The following HIVEP3 variants were observed in gnomAD, a reference collection of about 807,000 sequenced individuals.
HIVEP3 encodes the protein transcription factor HIVEP3.
A neutral mutation model predicts 152.8 loss-of-function variants in HIVEP3; 49 were observed. The ratio of observed to expected loss-of-function variants is 0.32; its 90% confidence interval spans 0.26 to 0.41. The LOEUF (loss-of-function observed/expected upper bound fraction) is 0.41, where lower values mean the gene tolerates loss of function less well. Ranked by LOEUF, HIVEP3 falls within the 10% of genes least tolerant of loss-of-function variation. The pLI is 1.00. For synonymous variants in HIVEP3, 1,269 were observed against 1,289.0 expected, an observed-to-expected ratio of 0.98 and a Z score of 0.33; for missense variants, 2,790 against 3,103.3, an observed-to-expected ratio of 0.90 and a Z score of 2.40.
chr1:41,921,096 G>A (rs928683971), upstream of HIVEP3, among the ~76,000 whole-genome samples: 3 of 152,120 alleles, frequency 2.0e-5, no homozygotes, highest in African/African-American at 2.4e-5. Flanking sequence ...ATTTCCATAC[G>A]GGGGCTTTTG....
At chr1:41,778,924 T>C (rs1016216732) in intron 1 of HIVEP3, among the ~76,000 whole-genome samples, 5 of 152,162 alleles carry the variant, frequency 3.3e-5, no homozygotes, top group African/African-American at 1.2e-4. Flanking sequence ...GCCAGGCATG[T>C]ATCTGAGGGA....
At chr1:41,921,029 T>C (rs1557523540), upstream of HIVEP3, among the ~76,000 whole-genome samples, 1 of 152,200 alleles carries the variant, frequency 6.6e-6, no homozygotes, top group Non-Finnish European at 1.5e-5. Context: ...CAGAGTTACA[T>C]GAGTCTGGAA....
At chr1:41,970,116 G>A (rs1387448655) in intron 1 of HIVEP3, among the ~76,000 whole-genome samples, 1 of 152,168 alleles carries the variant, frequency 6.6e-6, no homozygotes, top group Non-Finnish European at 1.5e-5. Flanking sequence ...CAACCATTGT[G>A]GAAGACAGTG....
Position 42,002,897 on chromosome 1 carries a change from C to A in HIVEP3, n.119+32910G>T, listed in dbSNP as rs780243318. ...AAAGGGTTCTGGCATTTTACCCGCA[C>A]ATGGTAGCTGGACAGTAAGGACAAG... On this transcript the variant is annotated intron_variant and non_coding_transcript_variant, in intron 1 of 3. Transcript: ENST00000489103. 3.3e-4 allele frequency among the ~76,000 whole-genome samples: 50 copies of A among 152,088 alleles called. 1 individual carries two copies. Among genetic ancestry groups the A allele is most frequent in the Non-Finnish European group, 7.4e-5 (5 of 68,008 alleles).
chr1:41,757,918 G>A (rs978967618), intron 1 of HIVEP3, among the ~76,000 whole-genome samples: 5 of 151,940 alleles, frequency 3.3e-5, no homozygotes, highest in African/African-American at 1.2e-4. Flanking sequence ...CTCCACATTT[G>A]TCAGGCTGGT....
chr1:41,707,500 A>G (rs534097850), intron 1 of HIVEP3, among the ~76,000 whole-genome samples: 1 of 152,364 alleles, frequency 6.6e-6, no homozygotes, highest in Non-Finnish European at 1.5e-5. Context: ...CTGAGGCCCA[A>G]GTCCCCGTAC....
intron 1 of HIVEP3, among the ~76,000 whole-genome samples, chr1:41,824,778 TATATATAG>T (rs1238039621): frequency 7.1e-4 from 9 of 12,764 alleles, no homozygotes; most frequent in African/African-American, 2.0e-3. Context: ...TATATATATA[TATATATAG>T]AGAGAGAGAG....
chr1:41,940,078 A>G (rs1645038527), intron 1 of HIVEP3, among the ~76,000 whole-genome samples: 1 of 152,196 alleles, frequency 6.6e-6, no homozygotes, highest in African/African-American at 2.4e-5. Flanking sequence ...CCTAAAAGAT[A>G]CCTCACATTA....
At chr1:42,002,743 A>C (rs898699729) in intron 1 of HIVEP3, among the ~76,000 whole-genome samples, 1 of 152,214 alleles carries the variant, frequency 6.6e-6, no homozygotes, top group African/African-American at 2.4e-5. Flanking sequence ...ACAAGTCAGT[A>C]GCCCAAAAGG....
chr1:41,861,722 T>TCCGGGCTCCCCAGATGGCCACTGCCAC (rs1643889781), intron 1 of HIVEP3, among the ~76,000 whole-genome samples: 1 of 151,356 alleles, frequency 6.6e-6, no homozygotes, highest in African/African-American at 2.4e-5. Flanking sequence ...TTCAGAGAGG[T>TCCGGGCTCCCCAGATGGCCACTGCCAC]CTGAATCCCA....
At chr1:41,576,414 C>T (rs1020831778) in intron 4 of HIVEP3, among the ~76,000 whole-genome samples, 3 of 152,228 alleles carry the variant, frequency 2.0e-5, no homozygotes, top group Non-Finnish European at 2.9e-5. Context: ...CTGGCATTGG[C>T]TTTGTGCTTC....
At chr1:41,881,127 T>C (rs968215309) in intron 1 of HIVEP3, among the ~76,000 whole-genome samples, 2 of 152,160 alleles carry the variant, frequency 1.3e-5, no homozygotes, top group African/African-American at 2.4e-5. Context: ...GTTATGGTGG[T>C]GATGACAACA....
chr1:41,653,960 A>C (rs1392580551), intron 2 of HIVEP3, among the ~76,000 whole-genome samples: 2 of 149,238 alleles, frequency 1.3e-5, no homozygotes, highest in East Asian at 2.0e-4. Flanking sequence ...CTGCAAAAAA[A>C]AAAAAAAAAA....
chr1:41,638,337 AG>A (rs60915492), intron 2 of HIVEP3, among the ~76,000 whole-genome samples: 3 of 51,494 alleles, frequency 5.8e-5, no homozygotes, highest in African/African-American at 1.5e-4. Context: ...AAAGAAAGGG[AG>A]AGAGAGAGAA....
intron 1 of HIVEP3, among the ~76,000 whole-genome samples, chr1:41,934,890 C>T (rs1240610430): frequency 6.6e-6 from 1 of 152,130 alleles, no homozygotes; most frequent in Non-Finnish European, 1.5e-5. Context: ...ACATAGTAAA[C>T]ACCATGGATG....
chr1:41,843,777 T>G (rs112278911), intron 1 of HIVEP3, among the ~76,000 whole-genome samples: 2 of 152,130 alleles, frequency 1.3e-5, no homozygotes, highest in African/African-American at 4.8e-5. Context: ...TTATTATACT[T>G]TAAGTTTTAG....
chr1:41,705,533 C>T (rs1429410567), intron 1 of HIVEP3, among the ~76,000 whole-genome samples: 1 of 152,210 alleles, frequency 6.6e-6, no homozygotes, highest in Non-Finnish European at 1.5e-5. Flanking sequence ...GGTTAAGGAA[C>T]AAAAGTGCAG....
At chr1:41,739,824 G>A (rs1313143679) in intron 1 of HIVEP3, among the ~76,000 whole-genome samples, 1 of 152,180 alleles carries the variant, frequency 6.6e-6, no homozygotes, top group Non-Finnish European at 1.5e-5. Context: ...TCAAGTCCAG[G>A]CTGTCTGGCC....
At chr1:41,634,804 AC>A (rs1230704421) in intron 2 of HIVEP3, among the ~76,000 whole-genome samples, 1 of 152,206 alleles carries the variant, frequency 6.6e-6, no homozygotes, top group Non-Finnish European at 1.5e-5. Context: ...AAAATCACGA[AC>A]TTTTACTCTC....
Sources: gnomAD v4.1 joint callset for allele counts (sites outside exome capture counted in the v4.1 genomes callset) on GRCh38, gnomAD v4.1.1 for gene constraint, MANE v1.5 for transcripts, NCBI Gene and HGNC (gene_info 2026-07-23, HGNC 2026-07-21) for gene names.